Variants in RBFOX1 observed in about 807,000 individuals in gnomAD.
RBFOX1 encodes RNA binding protein fox-1 homolog 1.
In RBFOX1, 8 loss-of-function variants were observed where a neutral mutation model predicts 57.7. That is an observed-to-expected ratio of 0.14 (90% CI 0.08 to 0.25). RBFOX1 has a LOEUF of 0.25. RBFOX1 is among the 10% of genes least tolerant of loss of function. RBFOX1 has a pLI of 1.00. For synonymous variants in RBFOX1, 326 were observed against 222.4 expected (o/e 1.47, Z -4.15); for missense variants, 611 against 548.5 (o/e 1.11, Z -1.14).
intron 5 of RBFOX1, among the ~76,000 whole-genome samples, chr16:7,545,282 G>A (rs1369334813): frequency 5.3e-5 from 8 of 151,838 alleles, no homozygotes; most frequent in African/African-American, 1.7e-4. Context: ...TTTGAGACAC[G>A]AAGCCCACCA....
At chr16:5,485,286 C>T (rs1488156828) in intron 2 of RBFOX1, among the ~76,000 whole-genome samples, 1 of 129,848 alleles carries the variant, frequency 7.7e-6, no homozygotes, top group Non-Finnish European at 1.5e-5. Context: ...GCGGAGCTTG[C>T]AGTAAGCCGA....
intron 2 of RBFOX1, among the ~76,000 whole-genome samples, chr16:6,378,153 T>C (rs1037437691): frequency 3.9e-5 from 6 of 152,228 alleles, no homozygotes; most frequent in African/African-American, 7.2e-5. Flanking sequence ...CTACCAGAGC[T>C]TCTGTTGTTT....
chr16:7,345,142 C>T (rs528807263), intron 4 of RBFOX1, among the ~76,000 whole-genome samples: 3 of 152,190 alleles, frequency 2.0e-5, no homozygotes, highest in East Asian at 1.9e-4. Flanking sequence ...TTCTGTTTTC[C>T]GTTTAAACAC....
intron 2 of RBFOX1, among the ~76,000 whole-genome samples, chr16:5,485,113 G>A (rs185566531): frequency 7.9e-5 from 12 of 151,940 alleles, no homozygotes; most frequent in African/African-American, 2.4e-4. Flanking sequence ...TTGGGAGGCC[G>A]AGGCGGGCGG....
At chr16:7,011,941 A>G (rs966632073) in intron 3 of RBFOX1, among the ~76,000 whole-genome samples, 1 of 152,198 alleles carries the variant, frequency 6.6e-6, no homozygotes, top group East Asian at 1.9e-4. Flanking sequence ...CTCTCTGGAA[A>G]TACGCCCTTC....
chr16:5,985,228 C>G (rs8046510), intron 4 of RBFOX1, among the ~76,000 whole-genome samples: 127,965 of 151,120 alleles, frequency 0.85, 54,612 homozygotes, highest in East Asian at 1. Flanking sequence ...TCCTGACCTC[C>G]TGATCCATCC....
chr16:7,069,315 G>T (rs1171781054), intron 4 of RBFOX1, among the ~76,000 whole-genome samples: 1 of 152,104 alleles, frequency 6.6e-6, no homozygotes, highest in East Asian at 1.9e-4. Flanking sequence ...ATTAAGCCCT[G>T]CGTGCATTAG....
chr16:7,395,272 C>T lies in RBFOX1; in HGVS notation c.28-122875C>T, dbSNP rs145129362. On this transcript the variant is annotated intron_variant, in intron 4 of 15. Coordinates refer to ENST00000550418, the MANE Select transcript of RBFOX1 (RefSeq NM_018723.4). ...CAGAATTGCTCTTTTTACTGGGAGC[C>T]CCCAACACACCTGTCATCAGATAGA... 3.8e-3 allele frequency among the ~76,000 whole-genome samples: 584 copies of T among 152,198 alleles called. 3 individuals are homozygous for T. Among genetic ancestry groups the T allele is most frequent in the Non-Finnish European group, 5.9e-3 (403 of 68,026 alleles).
At chr16:6,772,726 G>A (rs1010779077) in intron 3 of RBFOX1, among the ~76,000 whole-genome samples, 2 of 150,820 alleles carry the variant, frequency 1.3e-5, no homozygotes, top group African/African-American at 4.9e-5. Context: ...GTGTGTGATT[G>A]TGTATGTGTG....
intron 2 of RBFOX1, among the ~76,000 whole-genome samples, chr16:5,561,991 A>G (rs967286109): frequency 1.3e-5 from 2 of 152,116 alleles, no homozygotes; most frequent in African/African-American, 4.8e-5. Flanking sequence ...TCGCTCATCC[A>G]ATATGGTGCT....
chr16:7,672,933 G>A (rs1012624366), intron 13 of RBFOX1, among the ~76,000 whole-genome samples: 2 of 135,808 alleles, frequency 1.5e-5, no homozygotes, highest in Non-Finnish European at 3.1e-5. Context: ...ATTTTAAAAT[G>A]TTCTTATAAG....
intron 4 of RBFOX1, among the ~76,000 whole-genome samples, chr16:7,192,633 A>G (rs12926681): frequency 0.019 from 2,888 of 152,296 alleles, 32 homozygotes; most frequent in Non-Finnish European, 0.03. Context: ...AATGCAATAG[A>G]CAGTTTAGAT....
intron 3 of RBFOX1, among the ~76,000 whole-genome samples, chr16:7,007,177 G>A (rs2093352500): frequency 6.6e-6 from 1 of 152,150 alleles, no homozygotes; most frequent in Non-Finnish European, 1.5e-5. Context: ...TTATTTCCTT[G>A]CAGCTGTAAA....
chr16:6,502,521 C>G (rs546153462), intron 2 of RBFOX1, among the ~76,000 whole-genome samples: 104 of 152,284 alleles, frequency 6.8e-4, no homozygotes, highest in African/African-American at 2.4e-3. Flanking sequence ...GTACGACATT[C>G]TGCACCTAAC....
intron 1 of RBFOX1, among the ~76,000 whole-genome samples, chr16:5,294,234 C>CA (rs1176116973): frequency 1.3e-5 from 2 of 151,922 alleles, no homozygotes; most frequent in Non-Finnish European, 2.9e-5. Context: ...GTCTCAAAAA[C>CA]AAAAAACAAG....
intron 1 of RBFOX1, among the ~76,000 whole-genome samples, chr16:6,146,037 G>C (rs1206237310): frequency 1.3e-5 from 2 of 152,194 alleles, no homozygotes; most frequent in African/African-American, 4.8e-5. Flanking sequence ...TAAGGCCAGA[G>C]ACAGCGTCCA....
intron 3 of RBFOX1, among the ~76,000 whole-genome samples, chr16:7,047,790 T>G (rs1344568069): frequency 6.6e-6 from 1 of 151,002 alleles, no homozygotes; most frequent in South Asian, 2.1e-4. Context: ...ATGGATACTT[T>G]TTATGTACTC....
intron 3 of RBFOX1, among the ~76,000 whole-genome samples, chr16:5,692,501 C>G (rs947020478): frequency 5.3e-5 from 8 of 152,132 alleles, no homozygotes; most frequent in Admixed American, 3.3e-4. Context: ...TGAGTTGCAT[C>G]CTGGTGAAGA....
chr16:5,851,966 T>TA (rs1280527539), intron 3 of RBFOX1, among the ~76,000 whole-genome samples: 1 of 152,128 alleles, frequency 6.6e-6, no homozygotes, highest in Non-Finnish European at 1.5e-5. Flanking sequence ...GCCCACCACT[T>TA]ACGAGCCATA....
Sources: gnomAD v4.1 joint callset for allele counts (sites outside exome capture counted in the v4.1 genomes callset) on GRCh38, gnomAD v4.1.1 for gene constraint, MANE v1.5 for transcripts, NCBI Gene and HGNC (gene_info 2026-07-23, HGNC 2026-07-21) for gene names.